Variants in PLEKHA6 observed in about 807,000 individuals in gnomAD.
PLEKHA6 encodes pleckstrin homology domain containing A6, also known as pleckstrin homology domain-containing family A member 6.
A neutral mutation model predicts 116.7 loss-of-function variants in PLEKHA6; 60 were observed. The ratio of observed to expected loss-of-function variants is 0.51; its 90% CI spans 0.42 to 0.64. PLEKHA6 has a LOEUF of 0.64. Among genes scored for constraint, PLEKHA6 ranks in the 30% least tolerant of loss-of-function variants. PLEKHA6 has a pLI of 0.00. For missense variants in PLEKHA6, 1,338 were observed against 1,422.7 expected (o/e 0.94, Z 0.96); for synonymous variants, 489 against 556.1 (o/e 0.88, Z 1.70).
chr1:204,308,062 A>G (rs1192889226), intron 1 of PLEKHA6, among the ~76,000 whole-genome samples: 1 of 152,302 alleles, frequency 6.6e-6, no homozygotes, highest in Non-Finnish European at 1.5e-5. Flanking sequence ...TATCCTTCTT[A>G]TGGAGCTCCC....
intron 17 of PLEKHA6, among the ~76,000 whole-genome samples, chr1:204,232,639 C>CTG (rs1661356001): frequency 6.6e-6 from 1 of 152,202 alleles, no homozygotes; most frequent in South Asian, 2.1e-4. Flanking sequence ...TATGGGACCT[C>CTG]TGGGATTCTA....
At chr1:204,375,704 G>A (rs969501635) in intron 1 of PLEKHA6, among the ~76,000 whole-genome samples, 1 of 151,836 alleles carries the variant, frequency 6.6e-6, no homozygotes, top group African/African-American at 2.4e-5. Context: ...AATCTCCTTT[G>A]GCTTCCCATC....
chr1:204,309,810 T>C (rs1298258696), intron 1 of PLEKHA6: 2 of 477,654 alleles, frequency 4.2e-6, no homozygotes, highest in Non-Finnish European at 5.5e-6. Context: ...AGCAAACTTT[T>C]TATGTAAAGG....
intron 1 of PLEKHA6, among the ~76,000 whole-genome samples, chr1:204,323,521 A>C (rs943074448): frequency 5.3e-5 from 8 of 152,242 alleles, no homozygotes; most frequent in African/African-American, 1.7e-4. Context: ...CAAAGTGATG[A>C]CTTCTCAACT....
chr1:204,285,234 A>G (rs1053554139), intron 1 of PLEKHA6, among the ~76,000 whole-genome samples: 1 of 152,184 alleles, frequency 6.6e-6, no homozygotes, highest in African/African-American at 2.4e-5. Context: ...ATGAAATGCA[A>G]TTCTAAGCCA....
chr1:204,293,019 C>T (rs921629671), intron 1 of PLEKHA6, among the ~76,000 whole-genome samples: 15 of 152,140 alleles, frequency 9.9e-5, no homozygotes, highest in African/African-American at 3.4e-4. Context: ...TGGAGCCCCA[C>T]CTCTCTCCCC....
intron 17 of PLEKHA6, among the ~76,000 whole-genome samples, chr1:204,237,695 C>T (rs968488379): frequency 2.0e-5 from 3 of 152,238 alleles, no homozygotes; most frequent in African/African-American, 7.2e-5. Context: ...AGCAATTTGC[C>T]TTCAGCTGGC....
intron 10 of PLEKHA6, among the ~76,000 whole-genome samples, chr1:204,249,872 T>C (rs187693927): frequency 6.6e-6 from 1 of 152,316 alleles, no homozygotes; most frequent in Admixed American, 6.5e-5. Context: ...CATGCTTTCC[T>C]AGTCCGCACC....
intron 9 of PLEKHA6, among the ~76,000 whole-genome samples, chr1:204,252,933 G>C (rs1012590011): frequency 1.3e-5 from 2 of 152,198 alleles, no homozygotes; most frequent in African/African-American, 2.4e-5. Flanking sequence ...TAGAGGAAGC[G>C]AGCAGGAGTG....
intron 1 of PLEKHA6, chr1:204,282,896 G>A (rs1451612299): frequency 2.6e-6 from 2 of 763,874 alleles, no homozygotes; most frequent in African/African-American, 3.8e-5. Context: ...AAGCCAGACA[G>A]AAGCAGAGAA....
rs1558055369 is a variant in PLEKHA6, at chr1:204,247,412, A to T, written c.1873T>A (p.Ser625Thr). ...IEYEHLESEVSALHDDLWEQL... is the reference protein window; with the variant it reads ...IEYEHLESEVTALHDDLWEQL... ...TCCCAGAGGTCATCGTGCAGGGCAG[A>T]GACCTCAGACTCGAGGTGCTCATAC... The change falls in exon 13 of 23, where the codon TCT (serine) becomes ACT (threonine). Residue 625 changes from serine to threonine, a missense_variant. Around this residue, in one of 3 missense-constraint regions of PLEKHA6, gnomAD observed 1,136 missense variants for 1,163.6 expected, o/e 0.98. Transcript: ENST00000272203. 6.2e-7 allele frequency: 1 copy of T among 1,613,562 alleles called. No individual in the cohort carries two copies. The highest frequency in any genetic ancestry group is 2.2e-5 in the East Asian group (1 of 44,856).
intron 15 of PLEKHA6, among the ~76,000 whole-genome samples, chr1:204,242,647 GGCCT>G (rs1258584144): frequency 6.6e-6 from 1 of 152,164 alleles, no homozygotes; most frequent in Non-Finnish European, 1.5e-5. Flanking sequence ...GAGAGAAAAG[GGCCT>G]GTATCCTTAT....
In PLEKHA6 at chr1:204,250,621, G is replaced by A. The variant is rs1385162206; in HGVS notation, c.1525-7C>T. The A allele has an allele frequency of 1.2e-6, 2 of 1,605,786 alleles. No homozygotes were observed. Among genetic ancestry groups the A allele is most frequent in the Non-Finnish European group, 1.7e-6 (2 of 1,173,096 alleles). ...CTTCTGGGTATGGAGGGACCTGCAG[G>A]AACATGAGGCCGGTTACTGCAGCAG... On this transcript the variant is annotated splice_region_variant and splice_polypyrimidine_tract_variant and intron_variant, in intron 9 of 22. Coordinates refer to ENST00000272203, the MANE Select transcript of PLEKHA6 (RefSeq NM_014935.5).
At chr1:204,354,469 A>G (rs1271119268) in intron 1 of PLEKHA6, among the ~76,000 whole-genome samples, 1 of 152,220 alleles carries the variant, frequency 6.6e-6, no homozygotes, top group East Asian at 1.9e-4. Context: ...CTGGTCTTTG[A>G]GTTAAAGCCT....
intron 15 of PLEKHA6, 136 bp from the exon 16 acceptor site, chr1:204,241,950 G>C: frequency 1.0e-6 from 1 of 963,002 alleles, no homozygotes; most frequent in South Asian, 1.4e-5. Context: ...TTCTATGTGT[G>C]CCGCCTGGGA....
At chr1:204,323,650 A>C (rs1445364520) in intron 1 of PLEKHA6, among the ~76,000 whole-genome samples, 2 of 152,264 alleles carry the variant, frequency 1.3e-5, no homozygotes, top group African/African-American at 4.8e-5. Context: ...TTCCTGGTGC[A>C]TAATAGGTGC....
chr1:204,313,713 A>C (rs1238258908), intron 1 of PLEKHA6: 1 of 984,874 alleles, frequency 1.0e-6, no homozygotes, highest in African/African-American at 1.8e-5. Flanking sequence ...GCAGCTAACC[A>C]CCTTTCTATC....
chr1:204,229,119 C>T lies in PLEKHA6; in HGVS notation c.2584-15G>A. The stretch of plus-strand genomic sequence containing the variant: ...TGGCGGCGCACCTAGGGGACAGCAG[C>T]ATCGTGATTGCACCATGGCTACCCA... On this transcript the variant is annotated splice_polypyrimidine_tract_variant and intron_variant, in intron 18 of 22. Coordinates refer to ENST00000272203, the MANE Select transcript of PLEKHA6 (RefSeq NM_014935.5). 1 of 1,608,500 alleles carries T rather than the reference C, an allele frequency of 6.2e-7. No homozygotes were observed. Among genetic ancestry groups the T allele is most frequent in the Non-Finnish European group, 8.5e-7 (1 of 1,179,276 alleles).
At chr1:204,292,268 C>A (rs1019079313) in intron 1 of PLEKHA6, among the ~76,000 whole-genome samples, 8 of 152,198 alleles carry the variant, frequency 5.3e-5, no homozygotes, top group Admixed American at 3.9e-4. Context: ...CTTTTATGGT[C>A]TTATGAGGTG....
Sources: gnomAD v4.1 joint callset for allele counts (sites outside exome capture counted in the v4.1 genomes callset) on GRCh38, gnomAD v4.1.1 for gene constraint, gnomAD v4.1.1 regional missense constraint, MANE v1.5 for transcripts, NCBI Gene and HGNC (gene_info 2026-07-23, HGNC 2026-07-21) for gene names.